Variants in SEMA5A observed in about 807,000 individuals in gnomAD.
The protein encoded by SEMA5A is semaphorin-5A.
In SEMA5A, 55 loss-of-function variants were observed where a neutral mutation model predicts 135.5. The ratio of observed to expected loss-of-function variants is 0.41; its 90% CI spans 0.33 to 0.51. The LOEUF is 0.51. Ranked by LOEUF, SEMA5A falls within the 20% of genes least tolerant of loss-of-function variation. SEMA5A has a pLI of 0.37. For synonymous variants in SEMA5A, 580 were observed against 546.5 expected, an observed-to-expected ratio of 1.06 and a Z score of -0.85; for missense variants, 1,290 against 1,419.9, an observed-to-expected ratio of 0.91 and a Z score of 1.47.
intron 2 of SEMA5A, among the ~76,000 whole-genome samples, chr5:9,425,079 T>G (rs1477187595): frequency 6.6e-6 from 1 of 152,180 alleles, no homozygotes; most frequent in Admixed American, 6.5e-5. Context: ...AAGCCCTACA[T>G]ATGCTAACCC....
chr5:9,441,094 T>C (rs1758215198), intron 1 of SEMA5A, among the ~76,000 whole-genome samples: 5 of 152,204 alleles, frequency 3.3e-5, no homozygotes, highest in Admixed American at 3.3e-4. Context: ...GTCCCTCCGT[T>C]AATCACCATG....
intron 11 of SEMA5A, among the ~76,000 whole-genome samples, chr5:9,156,523 G>C (rs369558094): frequency 6.6e-6 from 1 of 152,186 alleles, no homozygotes; most frequent in African/African-American, 2.4e-5. Flanking sequence ...TACACAAGAG[G>C]ACATCATCTG....
intron 16 of SEMA5A, among the ~76,000 whole-genome samples, chr5:9,103,782 T>A (rs1460293627): frequency 6.6e-6 from 1 of 152,244 alleles, no homozygotes; most frequent in Non-Finnish European, 1.5e-5. Context: ...ATTCTATGTA[T>A]ACAACATAAC....
intron 5 of SEMA5A, among the ~76,000 whole-genome samples, chr5:9,305,098 C>G (rs1056203968): frequency 6.6e-6 from 1 of 152,104 alleles, no homozygotes. Context: ...TCCCTTTGCC[C>G]TCATCCCAGG....
intron 5 of SEMA5A, among the ~76,000 whole-genome samples, chr5:9,252,731 T>TAAGATTCC (rs1183559749): frequency 6.6e-6 from 1 of 152,202 alleles, no homozygotes; most frequent in Non-Finnish European, 1.5e-5. Context: ...TCTAAGATTC[T>TAAGATTCC]AAGATTCCAT....
At chr5:9,088,659 T>TATATACACACACACAC in intron 16 of SEMA5A, among the ~76,000 whole-genome samples, 6 of 112,780 alleles carry the variant, frequency 5.3e-5, no homozygotes, top group African/African-American at 8.5e-5. Context: ...TATATATATA[T>TATATACACACACACAC]ACACACACAC....
At chr5:9,530,807 T>C (rs1434740612) in intron 1 of SEMA5A, among the ~76,000 whole-genome samples, 1 of 152,138 alleles carries the variant, frequency 6.6e-6, no homozygotes, top group African/African-American at 2.4e-5. Flanking sequence ...TGGAATCACC[T>C]GGAAAAGGAG....
At chr5:9,340,974 A>G (rs755820512) in intron 3 of SEMA5A, among the ~76,000 whole-genome samples, 3 of 151,922 alleles carry the variant, frequency 2.0e-5, no homozygotes, top group Non-Finnish European at 4.4e-5. Flanking sequence ...TTCCCCTTTA[A>G]TCGCTTCTCA....
intron 5 of SEMA5A, among the ~76,000 whole-genome samples, chr5:9,311,670 CCAA>C (rs1375886023): frequency 6.6e-6 from 1 of 151,726 alleles, no homozygotes; most frequent in Non-Finnish European, 1.5e-5. Flanking sequence ...GTACAGCACA[CCAA>C]CAAGGCACAT....
intron 5 of SEMA5A, among the ~76,000 whole-genome samples, chr5:9,258,801 T>TCC (rs201250664): frequency 0.011 from 1,292 of 118,950 alleles, 16 homozygotes; most frequent in Middle Eastern, 0.027. Flanking sequence ...TCTTCTTTCT[T>TCC]TCTTTTTTTT....
In SEMA5A at chr5:9,405,917, C is replaced by T. The variant is rs560389248; in HGVS notation, c.-77-25894G>A. On this transcript the variant is annotated intron_variant, in intron 2 of 22. Coordinates refer to ENST00000382496, the MANE Select transcript of SEMA5A (RefSeq NM_003966.3). The stretch of plus-strand genomic sequence containing the variant: ...GTGCATCATATAAGGTCACAAGTGG[C>T]CAGCAAAGAAAAGGACTCACAGGCC... Among the ~76,000 whole-genome samples the T allele has an allele frequency of 1.6e-3, 244 of 152,046 alleles. 4 individuals carry two copies. The highest frequency in any genetic ancestry group is 2.1e-3 in the Non-Finnish European group (142 of 68,010).
chr5:9,276,145 C>T (rs1319975440), intron 5 of SEMA5A, among the ~76,000 whole-genome samples: 3 of 152,158 alleles, frequency 2.0e-5, no homozygotes, highest in African/African-American at 4.8e-5. Context: ...GCAAAAATCA[C>T]AAGCATTCCT....
At chr5:9,351,699 C>T (rs1334064411) in intron 3 of SEMA5A, among the ~76,000 whole-genome samples, 2 of 152,160 alleles carry the variant, frequency 1.3e-5, no homozygotes, top group Non-Finnish European at 2.9e-5. Flanking sequence ...AAAGTCAGAT[C>T]CCACATCATG....
intron 5 of SEMA5A, among the ~76,000 whole-genome samples, chr5:9,244,666 C>A (rs1748390610): frequency 1.3e-5 from 2 of 152,212 alleles, no homozygotes; most frequent in Non-Finnish European, 2.9e-5. Context: ...TACACAAGCA[C>A]TCAATATCTA....
At chr5:9,444,999 G>T (rs1758377519) in intron 1 of SEMA5A, among the ~76,000 whole-genome samples, 1 of 152,132 alleles carries the variant, frequency 6.6e-6, no homozygotes, top group South Asian at 2.1e-4. Flanking sequence ...CACAAAATGT[G>T]GGACAAAATA....
intron 13 of SEMA5A, among the ~76,000 whole-genome samples, chr5:9,134,197 T>G (rs1046482124): frequency 6.6e-6 from 1 of 152,210 alleles, no homozygotes; most frequent in Non-Finnish European, 1.5e-5. Flanking sequence ...AGCAGACTAA[T>G]ACAAGTGGCA....
rs1300684434 is a variant in SEMA5A at position 9,506,080 on chromosome 5, TAAAAG to T, written c.-175+39499_-175+39503del. Among the ~76,000 whole-genome samples, 12 of 152,326 alleles carry T rather than the reference TAAAAG, an allele frequency of 7.9e-5. No homozygotes were observed. In the South Asian group the frequency reaches 2.3e-3, roughly 29 times the overall value. ...CCACCAGAATAATTTACATTATTGA[TAAAAG>T]AATAGAAAGGATTAGATAATTTAGG... On this transcript the variant is annotated intron_variant, in intron 1 of 22. Transcript: ENST00000382496.
At chr5:9,351,474 T>A (rs1243175674) in intron 3 of SEMA5A, among the ~76,000 whole-genome samples, 1 of 152,166 alleles carries the variant, frequency 6.6e-6, no homozygotes, top group Non-Finnish European at 1.5e-5. Flanking sequence ...CCACCGTTTT[T>A]TTTTCAAAAT....
At chr5:9,501,333 A>T (rs901159674) in intron 1 of SEMA5A, among the ~76,000 whole-genome samples, 1 of 152,234 alleles carries the variant, frequency 6.6e-6, no homozygotes, top group Non-Finnish European at 1.5e-5. Flanking sequence ...TAAATTGCCA[A>T]TGAATTACCT....
Sources: allele counts gnomAD v4.1 joint callset (sites outside exome capture counted in the v4.1 genomes callset), GRCh38; gene constraint gnomAD v4.1.1; transcripts MANE v1.5; gene names NCBI Gene and HGNC (gene_info 2026-07-23, HGNC 2026-07-21).